The following NID2 variants were observed in gnomAD, a reference collection of about 807,000 sequenced individuals.
The protein encoded by NID2 is nidogen 2.
Under a neutral mutation model 145.4 loss-of-function variants are expected in NID2, and 83 were observed. The ratio of observed to expected loss-of-function variants is 0.57; its 90% confidence interval spans 0.48 to 0.69. The LOEUF is 0.69. NID2 is among the 30% of genes least tolerant of loss of function. NID2 has a pLI of 0.00. For missense variants in NID2, 1,807 were observed against 1,765.7 expected (o/e 1.02, Z -0.42); for synonymous variants, 739 against 701.3 (o/e 1.05, Z -0.85).
chr14:52,061,539 T>C (rs932485126), intron 2 of NID2, among the ~76,000 whole-genome samples: 3 of 151,794 alleles, frequency 2.0e-5, no homozygotes, highest in African/African-American at 7.3e-5. Flanking sequence ...CTGGAGAAGG[T>C]GGTAGAGGCC....
chr14:52,056,407 T>C (rs1442602787), intron 3 of NID2, among the ~76,000 whole-genome samples: 1 of 152,224 alleles, frequency 6.6e-6, no homozygotes, highest in Non-Finnish European at 1.5e-5. Context: ...AAGAACTTAA[T>C]TTATTTCTAC....
chr14:52,044,555 C>T (rs1323824409), intron 5 of NID2, among the ~76,000 whole-genome samples: 1 of 151,948 alleles, frequency 6.6e-6, no homozygotes, highest in Non-Finnish European at 1.5e-5. Context: ...CAGGCGTGAG[C>T]CACCCCGCCC....
chr14:52,016,694 A>T (rs940477022), intron 14 of NID2, among the ~76,000 whole-genome samples: 11 of 152,002 alleles, frequency 7.2e-5, no homozygotes, highest in African/African-American at 2.7e-4. Context: ...CTATGCCCTC[A>T]CTCTCTCCAA....
At chr14:52,059,844 C>G (rs1183426700) in intron 3 of NID2, among the ~76,000 whole-genome samples, 1 of 152,192 alleles carries the variant, frequency 6.6e-6, no homozygotes, top group African/African-American at 2.4e-5. Flanking sequence ...GTTCCAAGAG[C>G]AATGTTTTTC....
chr14:52,011,408 G>C (rs527814016), intron 17 of NID2, 146 bp downstream of exon 17: 2 of 888,634 alleles, frequency 2.3e-6, no homozygotes, highest in Non-Finnish European at 3.5e-6. Context: ...TACAGAGGGG[G>C]CTAGTCTTAT....
chr14:52,064,889 C>T (rs1323478904), intron 2 of NID2, among the ~76,000 whole-genome samples: 1 of 152,176 alleles, frequency 6.6e-6, no homozygotes, highest in Non-Finnish European at 1.5e-5. Flanking sequence ...TATAACTCAG[C>T]TGTCTCTAAC....
chr14:52,033,340 G>A (rs1891940627), intron 9 of NID2, among the ~76,000 whole-genome samples: 1 of 152,150 alleles, frequency 6.6e-6, no homozygotes, highest in Non-Finnish European at 1.5e-5. Flanking sequence ...AAAAGGACCC[G>A]TGAAGTGGAA....
intron 3 of NID2, among the ~76,000 whole-genome samples, chr14:52,055,828 A>G (rs1892825511): frequency 6.6e-6 from 1 of 152,206 alleles, no homozygotes; most frequent in Non-Finnish European, 1.5e-5. Flanking sequence ...ACTAAATTGT[A>G]TAAGAACAAA....
At chr14:52,068,700 G>A in intron 1 of NID2, 67 bp downstream of exon 1, 1 of 1,405,222 alleles carries the variant, frequency 7.1e-7, no homozygotes, top group South Asian at 1.2e-5. Flanking sequence ...TCTGGAGGCA[G>A]GGTTTCCGTG....
At chr14:52,008,489 ATCT>A (rs1890881050) in intron 18 of NID2, 1 of 152,624 alleles carries the variant, frequency 6.6e-6, no homozygotes, top group African/African-American at 2.4e-5. Flanking sequence ...ACTAAATGTT[ATCT>A]TACACTGCTG....
At chr14:52,017,299 G>C (rs943009064) in intron 14 of NID2, among the ~76,000 whole-genome samples, 1 of 152,120 alleles carries the variant, frequency 6.6e-6, no homozygotes, top group Non-Finnish European at 1.5e-5. Flanking sequence ...ACCCAACCAT[G>C]AATTTCTTTC....
chr14:52,017,105 A>G lies in NID2; in HGVS notation c.3029-1830T>C, dbSNP rs79205643. On this transcript the variant is annotated intron_variant, in intron 14 of 21. Transcript: ENST00000216286. ...CAAACACTGCAGGATTTCCTGGAGAAGTTCCCAATTCCACCCCTGCTCCAC... is the reference window on the plus strand; with the variant it reads ...CAAACACTGCAGGATTTCCTGGAGAGGTTCCCAATTCCACCCCTGCTCCAC... Among the ~76,000 whole-genome samples, 1,192 of 152,276 alleles carry G rather than the reference A, an allele frequency of 7.8e-3. 5 individuals are homozygous for G. The highest frequency in any genetic ancestry group is 0.012 in the Non-Finnish European group (845 of 68,016).
At chr14:52,012,135 C>CT in intron 16 of NID2, 1 of 153,268 alleles carries the variant, frequency 6.5e-6, no homozygotes, top group East Asian at 1.9e-4. Context: ...AAAACTGAAT[C>CT]TTTTCCCAAT....
At chr14:52,019,937 C>A in intron 13 of NID2, 122 bp downstream of exon 13, 1 of 1,373,924 alleles carries the variant, frequency 7.3e-7, no homozygotes, top group Non-Finnish European at 9.9e-7. Flanking sequence ...GGAAAAAAAT[C>A]CACAGCTTGG....
intron 5 of NID2, among the ~76,000 whole-genome samples, chr14:52,043,643 G>C (rs994269690): frequency 3.3e-5 from 5 of 152,202 alleles, no homozygotes; most frequent in Non-Finnish European, 7.3e-5. Context: ...TGGAGGACTA[G>C]GATAAATTCA....
Position 52,014,413 on chromosome 14 carries a change from C to A in NID2, c.3294G>T (p.Arg1098=). 3.1e-6 allele frequency: 5 copies of A among 1,613,984 alleles called. No individual in the cohort carries two copies. Among genetic ancestry groups the A allele is most frequent in the Non-Finnish European group, 4.2e-6 (5 of 1,179,952 alleles). The part of the protein sequence containing the change: ...VAPPMVRPTP[R]PDVTPPSVGT... Reference sequence around the variant, plus strand: ...CCACAGATGGAGGGGTCACATCTGGCCGGGGCGTGGGCCGGACCATGGGTG... The same window carrying A: ...CCACAGATGGAGGGGTCACATCTGGACGGGGCGTGGGCCGGACCATGGGTG... Residue 1098 remains arginine (R), a synonymous_variant, in exon 16 of 22, where the codon CGG becomes CGT. Transcript: ENST00000216286.
At chr14:52,042,423 TC>T in intron 6 of NID2, 73 bp from the exon 7 acceptor site, 3 of 1,495,024 alleles carry the variant, frequency 2.0e-6, no homozygotes, top group Non-Finnish European at 1.8e-6. Context: ...GTATAATTAT[TC>T]CACTGACAAC....
In NID2 at chr14:52,009,923, G is replaced by C. The variant is rs113525805; in HGVS notation, c.3722+953C>G. 1,051 of 151,686 alleles carry C rather than the reference G, an allele frequency of 6.9e-3. 12 individuals carry two copies. Among genetic ancestry groups the C allele is most frequent in the African/African-American group, 0.024 (993 of 40,968 alleles). 9.4% of individuals were successfully genotyped at this position (151,686 alleles called of 1,614,324 possible). ...AATTGCTTGAACCCGGGAGATGGAG[G>C]TTGTAGTCAGCCGAGACTGTGCCAC... On this transcript the variant is annotated intron_variant, in intron 18 of 21. Transcript: ENST00000216286.
chr14:52,060,472 C>A lies in NID2; in HGVS notation c.535-116G>T, dbSNP rs754425. 2,980 of 511,168 alleles carry A rather than the reference C, an allele frequency of 5.8e-3. 78 individuals carry two copies. Among genetic ancestry groups the A allele is most frequent in the African/African-American group, 0.05 (2,609 of 51,950 alleles). 31.7% of individuals were successfully genotyped at this position (511,168 alleles called of 1,614,324 possible). Reference sequence around the variant, plus strand: ...AAGCATCATAACGTGCAAAGAACTTCCCCTTTTTCAGGATTCCTCCAAATT... The same window carrying A: ...AAGCATCATAACGTGCAAAGAACTTACCCTTTTTCAGGATTCCTCCAAATT... On this transcript the variant is annotated intron_variant, in intron 2 of 21. Transcript: ENST00000216286.
Sources: gnomAD v4.1 joint callset for allele counts (sites outside exome capture counted in the v4.1 genomes callset) on GRCh38, gnomAD v4.1.1 for gene constraint, MANE v1.5 for transcripts, NCBI Gene and HGNC (gene_info 2026-07-23, HGNC 2026-07-21) for gene names.